ANKLE1: variants seen among roughly 807,000 people sequenced by gnomAD.
ANKLE1 encodes ankyrin repeat and LEM domain containing 1, also known as structure-specific endonuclease ANKLE1.
In ANKLE1, 59 loss-of-function variants were observed where a neutral mutation model predicts 56.2. The observed-to-expected ratio is 1.05, with a 90% CI of 0.85 to 1.30. The LOEUF (loss-of-function observed/expected upper bound fraction) is 1.30. Among genes scored for constraint, ANKLE1 ranks in the 50% most tolerant of loss-of-function variants. The pLI, the probability that ANKLE1 is intolerant of heterozygous loss-of-function variation, is 0.00. For missense variants in ANKLE1, 771 were observed against 816.1 expected (o/e 0.94, Z 0.67); for synonymous variants, 341 against 352.9 (o/e 0.97, Z 0.38).
Position 17,286,419 on chromosome 19 carries a change from A to G in ANKLE1, c.1715A>G (p.Tyr572Cys), listed in dbSNP as rs1429306970. ...TLTNQKQGHC[Y>C]GVVAGWPPAR... Reference sequence around the variant, plus strand: ...ACCAACCAGAAGCAAGGGCACTGCTATGGAGTGGTGGCAGGCTGGCCACCT... The same window carrying G: ...ACCAACCAGAAGCAAGGGCACTGCTGTGGAGTGGTGGCAGGCTGGCCACCT... The change falls in exon 9 of 9, where the codon TAT (tyrosine) becomes TGT (cysteine). Residue 572 changes from tyrosine to cysteine, a missense_variant. By Grantham distance (194) the Tyr-to-Cys change is radical. Coordinates refer to ENST00000404085, the MANE Select transcript of ANKLE1 (RefSeq NM_152363.6). 3 of 1,608,860 alleles carry G rather than the reference A, an allele frequency of 1.9e-6. No individual in the cohort carries two copies. The highest frequency in any genetic ancestry group is 1.1e-5 in the South Asian group (1 of 90,520).
chr19:17,283,135 A>C, intron 4 of ANKLE1, 90 bp from the exon 5 acceptor site: 1 of 1,550,710 alleles, frequency 6.4e-7, no homozygotes, highest in Non-Finnish European at 8.7e-7. Context: ...TCGGCCTCAG[A>C]CACTCTGATC....
Position 17,286,859 on chromosome 19 carries a change from T to G in ANKLE1, c.*307T>G. The stretch of plus-strand genomic sequence containing the variant: ...AGGTGCTTTGGAACAGTCCGGTGCT[T>G]CTGTAAGAGGCGTTTGAACCTGGGC... On this transcript the variant is annotated 3_prime_UTR_variant, in exon 9 of 9. Transcript: ENST00000404085. The G allele has an allele frequency of 8.6e-7, 1 of 1,168,544 alleles. No homozygotes were observed. Among genetic ancestry groups the G allele is most frequent in the Non-Finnish European group, 1.1e-6 (1 of 935,696 alleles). 72.4% of individuals were successfully genotyped at this position (1,168,544 alleles called of 1,614,324 possible). A position where few individuals can be genotyped will look rare whatever the true frequency, so the allele number is the denominator to read the frequency against.
chr19:17,282,132 G>A lies in ANKLE1; in HGVS notation c.138G>A (p.Leu46=), dbSNP rs1232624884. The change falls in exon 2 of 9, where the codon TTG becomes TTA. Residue 46 remains leucine (L), a synonymous_variant. Coordinates refer to ENST00000404085, the MANE Select transcript of ANKLE1 (RefSeq NM_152363.6). The part of the protein sequence containing the change: ...VLEDGAAAVH[L]AAGARHPRGL... ...AGGACGGCGCAGCGGCTGTGCACTT[G>A]GCGGCCGGAGCCCGGCACCCGCGCG... 1.3e-6 allele frequency: 2 copies of A among 1,539,850 alleles called. No homozygotes were observed. The highest frequency in any genetic ancestry group is 1.7e-6 in the Non-Finnish European group (2 of 1,145,850).
Position 17,282,106 on chromosome 19 carries a change from G to C in ANKLE1, c.112G>C (p.Glu38Gln). 6.5e-7 allele frequency: 1 copy of C among 1,541,678 alleles called. No homozygotes were observed. Among genetic ancestry groups the C allele is most frequent in the Non-Finnish European group, 8.7e-7 (1 of 1,146,658 alleles). Residue 38 changes from glutamate to glutamine, a missense_variant, in exon 2 of 9, where the codon GAG becomes CAG. Coordinates refer to ENST00000404085, the MANE Select transcript of ANKLE1 (RefSeq NM_152363.6). ...CGGCGCGGACCCTAATTTGGTGCTA[G>C]AGGACGGCGCAGCGGCTGTGCACTT... ...RCGADPNLVL[E>Q]DGAAAVHLAA...
intron 4 of ANKLE1, 85 bp downstream of exon 4, chr19:17,283,087 T>A: frequency 6.5e-7 from 1 of 1,533,008 alleles, no homozygotes; most frequent in South Asian, 1.2e-5. Context: ...ACCCATTGGT[T>A]CTGACCGTCT....
chr19:17,286,377 C>G lies in ANKLE1; in HGVS notation c.1676-3C>G, dbSNP rs751309477. The G allele has an allele frequency of 6.5e-7, 1 of 1,549,284 alleles. No homozygotes were observed. Among genetic ancestry groups the G allele is most frequent in the Non-Finnish European group, 8.7e-7 (1 of 1,144,136 alleles). On this transcript the variant is annotated splice_region_variant and splice_polypyrimidine_tract_variant and intron_variant, in intron 8 of 8. Transcript: ENST00000404085. ...CCTGTGACCCCACATCCAATTTCTCCAGGGATCCAGACGCTCACCAACCAG... is the reference window on the plus strand; with the variant it reads ...CCTGTGACCCCACATCCAATTTCTCGAGGGATCCAGACGCTCACCAACCAG...
In ANKLE1 at chr19:17,286,511, G is replaced by T. The variant is rs184119045; in HGVS notation, c.1807G>T (p.Glu603Ter). 1 of 1,611,434 alleles carries T rather than the reference G, an allele frequency of 6.2e-7. No individual in the cohort carries two copies. The highest frequency in any genetic ancestry group is 8.5e-7 in the Non-Finnish European group (1 of 1,179,248). ...CCTCCTTGTCTTCCTGGCTGAAGGCGAGCGACAGCTTCATCCCCAGGACAT... is the reference window on the plus strand; with the variant it reads ...CCTCCTTGTCTTCCTGGCTGAAGGCTAGCGACAGCTTCATCCCCAGGACAT... ...RALLVFLAEGERQLHPQDIQA... is the reference protein window; with the variant it reads ...RALLVFLAEG The change falls in exon 9 of 9, where the codon GAG becomes TAG. Residue 603 changes from glutamate (E) to a stop codon, truncating the protein, a stop_gained. Coordinates refer to ENST00000404085, the MANE Select transcript of ANKLE1 (RefSeq NM_152363.6). LOFTEE classifies it high-confidence loss of function.
At chr19:17,284,724 C>T (rs1220784091) in intron 6 of ANKLE1, among the ~76,000 whole-genome samples, 3 of 119,944 alleles carry the variant, frequency 2.5e-5, no homozygotes, top group East Asian at 4.8e-4. Context: ...CTCACTGTTT[C>T]GCCCAGGCTG....
chr19:17,283,820 T>C lies in ANKLE1; in HGVS notation c.1056T>C (p.Pro352=), dbSNP rs754974286. 6.2e-7 allele frequency: 1 copy of C among 1,613,176 alleles called. No homozygotes were observed. Among genetic ancestry groups the C allele is most frequent in the African/African-American group, 1.3e-5 (1 of 74,936 alleles). Residue 352 remains proline (P), a synonymous_variant, in exon 5 of 9, where the codon CCT becomes CCC. Coordinates refer to ENST00000404085, the MANE Select transcript of ANKLE1 (RefSeq NM_152363.6). Reference sequence around the variant, plus strand: ...CAGGTGGCAGGGAACCTGTCGGCCCTTGCCGGCACCTGCCAGTCTCCACTG... The same window carrying C: ...CAGGTGGCAGGGAACCTGTCGGCCCCTGCCGGCACCTGCCAGTCTCCACTG... ...SSTGGREPVG[P]CRHLPVSTVS... is the part of the protein sequence containing the mutation.
rs2074042556 is a variant in ANKLE1, at chr19:17,287,061, A to AAT, written c.*511_*512dup. ...GTAAAGAAGCCGGCCAAAACCCACC[A>AAT]ATACCAAGATGGCGACAAGAGTGAC... On this transcript the variant is annotated 3_prime_UTR_variant, in exon 9 of 9. Transcript: ENST00000404085. 1 of 154,414 alleles carries AAT rather than the reference A, an allele frequency of 6.5e-6. No individual in the cohort carries two copies. Among genetic ancestry groups the AAT allele is most frequent in the African/African-American group, 2.4e-5 (1 of 41,484 alleles). 9.6% of individuals were successfully genotyped at this position (154,414 alleles called of 1,614,324 possible). A position where few individuals can be genotyped will look rare whatever the true frequency, so the allele number is the denominator to read the frequency against.
chr19:17,286,338 TC>T, intron 8 of ANKLE1, 41 bp from the exon 9 acceptor site: 1 of 1,516,136 alleles, frequency 6.6e-7, no homozygotes, highest in Non-Finnish European at 8.8e-7. Flanking sequence ...TGGGGAGGTG[TC>T]CCCATGGCTG....
At position 17,284,275 on chromosome 19, in the gene ANKLE1, G is replaced by T. The variant is rs2074008706; in HGVS notation, c.1376+9G>T. On this transcript the variant is annotated intron_variant, in intron 6 of 8. Coordinates refer to ENST00000404085, the MANE Select transcript of ANKLE1 (RefSeq NM_152363.6). ...CTGCTGCTGGACCCCAGGTACTCAG[G>T]GCAGGAAAGCCCCAGAAATAGAAAC... 1 of 1,609,100 alleles carries T rather than the reference G, an allele frequency of 6.2e-7. No individual in the cohort carries two copies. Among genetic ancestry groups the T allele is most frequent in the South Asian group, 1.1e-5 (1 of 90,970 alleles).
rs2074040580 is a variant in ANKLE1 at position 17,286,827 on chromosome 19, A to T, written c.*275A>T. 7.7e-7 allele frequency: 1 copy of T among 1,294,608 alleles called. No individual in the cohort carries two copies. The highest frequency in any genetic ancestry group is 9.9e-7 in the Non-Finnish European group (1 of 1,014,860). The allele number at this position is 1,294,608 out of a possible 1,614,324, so 80.2% of individuals were successfully genotyped here. The stretch of plus-strand genomic sequence containing the variant: ...CATCGTGGGAGGAGGACAAGAAGGG[A>T]AGCAGAAGGTGCTTTGGAACAGTCC... On this transcript the variant is annotated 3_prime_UTR_variant, in exon 9 of 9. Coordinates refer to ENST00000404085, the MANE Select transcript of ANKLE1 (RefSeq NM_152363.6).
rs2073979066 is a variant in ANKLE1, at chr19:17,282,087, G to C, written c.93G>C (p.Ala31=). 2 of 1,540,604 alleles carry C rather than the reference G, an allele frequency of 1.3e-6. No homozygotes were observed. The highest frequency in any genetic ancestry group is 1.7e-6 in the Non-Finnish European group (2 of 1,146,634). The change falls in exon 2 of 9, where the codon GCG becomes GCC. Residue 31 remains alanine (A), a synonymous_variant. Transcript: ENST00000404085. Reference sequence around the variant, plus strand: ...TAGAGGAGCTGCTGCGCTGCGGCGCGGACCCTAATTTGGTGCTAGAGGACG... The same window carrying C: ...TAGAGGAGCTGCTGCGCTGCGGCGCCGACCCTAATTTGGTGCTAGAGGACG... ...WAVEELLRCG[A]DPNLVLEDGA... is the part of the protein sequence containing the mutation.
intron 6 of ANKLE1, 43 bp downstream of exon 6, chr19:17,284,309 T>G (rs772149435): frequency 6.3e-7 from 1 of 1,590,414 alleles, no homozygotes; most frequent in Admixed American, 1.7e-5. Context: ...ACTAGAAAAT[T>G]TGGGGATTGG....
At position 17,284,179 on chromosome 19, in the gene ANKLE1, C is replaced by A; in HGVS notation, c.1289C>A (p.Ala430Asp). ...GTCCAGGCAGATGAAGACGCGCTGG[C>A]CCAGCAGTTTGAGCAGCCAGATCCT... is the stretch of plus-strand genomic sequence containing the variant. Reference protein sequence around the residue: ...PDVQADEDALAQQFEQPDPAR... With the variant: ...PDVQADEDALDQQFEQPDPAR... Residue 430 changes from alanine (A) to aspartate (D), a missense_variant, in exon 6 of 9, where the codon GCC becomes GAC. Transcript: ENST00000404085. 1 of 1,613,830 alleles carries A rather than the reference C, an allele frequency of 6.2e-7. No homozygotes were observed. The highest frequency in any genetic ancestry group is 8.5e-7 in the Non-Finnish European group (1 of 1,179,870).
intron 6 of ANKLE1, among the ~76,000 whole-genome samples, chr19:17,284,551 T>A (rs1159865917): frequency 2.0e-5 from 3 of 151,838 alleles, no homozygotes; most frequent in African/African-American, 7.3e-5. Flanking sequence ...GCCCGACTAA[T>A]TTTTGTATTT....
In ANKLE1 at chr19:17,284,158, A is replaced by G; in HGVS notation, c.1268A>G (p.Gln423Arg). 6.2e-7 allele frequency: 1 copy of G among 1,613,900 alleles called. No homozygotes were observed. Among genetic ancestry groups the G allele is most frequent in the Non-Finnish European group, 8.5e-7 (1 of 1,179,890 alleles). Residue 423 changes from glutamine (Q) to arginine (R), a missense_variant, in exon 6 of 9, where the codon CAG becomes CGG. Transcript: ENST00000404085. ...ALRTGCIPDV[Q>R]ADEDALAQQF... ...CGGACGGGCTGTATTCCAGATGTCC[A>G]GGCAGATGAAGACGCGCTGGCCCAG...
intron 6 of ANKLE1, among the ~76,000 whole-genome samples, chr19:17,284,671 AC>A (rs1454564021): frequency 7.5e-6 from 1 of 132,566 alleles, no homozygotes; most frequent in Non-Finnish European, 1.6e-5. Flanking sequence ...GGTGTGAGCC[AC>A]CGCACCGGCC....
Sources: allele counts gnomAD v4.1 joint callset (sites outside exome capture counted in the v4.1 genomes callset), GRCh38; gene constraint gnomAD v4.1.1; transcripts MANE v1.5; gene names NCBI Gene and HGNC (gene_info 2026-07-23, HGNC 2026-07-21).